Variants in CSMD1 observed in about 807,000 individuals in gnomAD.
CSMD1 encodes CUB and Sushi multiple domains 1, also known as CUB and sushi domain-containing protein 1.
Under a neutral mutation model 417.5 loss-of-function variants are expected in CSMD1, and 213 were observed. That is an observed-to-expected ratio of 0.51 (90% CI 0.46 to 0.57). The LOEUF is 0.57. CSMD1 is among the 20% of genes least tolerant of loss of function. The pLI is 0.00. For synonymous variants in CSMD1, 2,862 were observed against 1,736.8 expected (o/e 1.65, Z -16.11); for missense variants, 6,923 against 4,529.7 (o/e 1.53, Z -15.17).
At chr8:3,182,802 G>C (rs1389559467) in intron 36 of CSMD1, among the ~76,000 whole-genome samples, 2 of 120,878 alleles carry the variant, frequency 1.7e-5, no homozygotes, top group South Asian at 5.7e-4. Context: ...GTGTTAGCCA[G>C]GATGGTCTCG....
At position 3,822,785 on chromosome 8, in the gene CSMD1, T is replaced by C. The variant is rs551873666; in HGVS notation, c.819-68743A>G. On this transcript the variant is annotated intron_variant, in intron 5 of 69. Transcript: ENST00000635120. ...TTGTTGAGAATAAAGAGAGGATGGATAGTTGATTTGTGGAACAGAACTTTG... is the reference window on the plus strand; with the variant it reads ...TTGTTGAGAATAAAGAGAGGATGGACAGTTGATTTGTGGAACAGAACTTTG... 2.4e-4 allele frequency among the ~76,000 whole-genome samples: 36 copies of C among 152,316 alleles called. No individual in the cohort carries two copies. The Middle Eastern group carries it at 0.014, about 58-fold the overall frequency.
chr8:4,946,627 A>G (rs1808387411), intron 1 of CSMD1, among the ~76,000 whole-genome samples: 1 of 152,194 alleles, frequency 6.6e-6, no homozygotes, highest in African/African-American at 2.4e-5. Flanking sequence ...TACTAAATTT[A>G]TGCCATATTT....
intron 3 of CSMD1, among the ~76,000 whole-genome samples, chr8:4,318,776 T>C (rs1717971772): frequency 6.6e-6 from 1 of 151,518 alleles, no homozygotes; most frequent in African/African-American, 2.4e-5. Context: ...TACCATATAT[T>C]GGCATTGTAT....
At chr8:3,628,823 C>A (rs953216894) in intron 7 of CSMD1, among the ~76,000 whole-genome samples, 1 of 152,106 alleles carries the variant, frequency 6.6e-6, no homozygotes, top group African/African-American at 2.4e-5. Context: ...CAAGAACTCT[C>A]ATCTCTCTCT....
At chr8:4,737,453 CTGTT>C (rs1810315581) in intron 1 of CSMD1, among the ~76,000 whole-genome samples, 1 of 151,970 alleles carries the variant, frequency 6.6e-6, no homozygotes, top group Non-Finnish European at 1.5e-5. Flanking sequence ...AAAAATTTAC[CTGTT>C]TAACAAACCT....
At chr8:4,169,281 G>C (rs1165202408) in intron 3 of CSMD1, among the ~76,000 whole-genome samples, 2 of 152,122 alleles carry the variant, frequency 1.3e-5, no homozygotes, top group African/African-American at 2.4e-5. Context: ...ATCTTCCTGA[G>C]CTCAAAAGGC....
intron 1 of CSMD1, among the ~76,000 whole-genome samples, chr8:4,693,497 T>C (rs1285912280): frequency 1.3e-5 from 2 of 152,210 alleles, no homozygotes; most frequent in Admixed American, 6.5e-5. Context: ...AGTCCTATAC[T>C]GTTCCTCTTT....
chr8:3,922,678 C>T (rs1417350267), intron 5 of CSMD1, among the ~76,000 whole-genome samples: 1 of 152,010 alleles, frequency 6.6e-6, no homozygotes, highest in Non-Finnish European at 1.5e-5. Flanking sequence ...GCTTTTCATC[C>T]AAATCTGTAT....
At chr8:3,797,356 A>G (rs999670252) in intron 5 of CSMD1, among the ~76,000 whole-genome samples, 5 of 152,004 alleles carry the variant, frequency 3.3e-5, no homozygotes, top group African/African-American at 1.2e-4. Flanking sequence ...TGTCACAAGT[A>G]GAGCCCACAC....
At chr8:3,728,420 A>C (rs1381425961) in intron 6 of CSMD1, among the ~76,000 whole-genome samples, 1 of 152,228 alleles carries the variant, frequency 6.6e-6, no homozygotes, top group Non-Finnish European at 1.5e-5. Context: ...AAAACAGACT[A>C]ATACAACATC....
intron 1 of CSMD1, among the ~76,000 whole-genome samples, chr8:4,680,131 A>G (rs1260599380): frequency 1.3e-5 from 2 of 152,232 alleles, no homozygotes; most frequent in African/African-American, 2.4e-5. Context: ...TGGTAAAAGG[A>G]CAACTATGAA....
intron 1 of CSMD1, among the ~76,000 whole-genome samples, chr8:4,775,245 G>A (rs567204401): frequency 2.0e-5 from 3 of 152,068 alleles, no homozygotes; most frequent in Admixed American, 2.0e-4. Flanking sequence ...AATAGAGCTT[G>A]AGGATGAATC....
intron 54 of CSMD1, among the ~76,000 whole-genome samples, chr8:2,985,590 T>C (rs982780492): frequency 6.6e-6 from 1 of 152,248 alleles, no homozygotes; most frequent in Admixed American, 6.5e-5. Context: ...GAAATTTTAC[T>C]TTTCTTAAAA....
intron 5 of CSMD1, among the ~76,000 whole-genome samples, chr8:3,993,977 C>G (rs35511157): frequency 0.058 from 8,772 of 152,150 alleles, 323 homozygotes; most frequent in Non-Finnish European, 0.08. Flanking sequence ...GGGATGGGTT[C>G]ACAGGGGCAA....
At chr8:3,267,440 G>C (rs1323930926) in intron 26 of CSMD1, among the ~76,000 whole-genome samples, 1 of 152,206 alleles carries the variant, frequency 6.6e-6, no homozygotes, top group African/African-American at 2.4e-5. Context: ...GAGCAGTTGC[G>C]TGGTTGGTGG....
chr8:3,954,058 C>G (rs1239573900), intron 5 of CSMD1, among the ~76,000 whole-genome samples: 1 of 152,134 alleles, frequency 6.6e-6, no homozygotes, highest in Non-Finnish European at 1.5e-5. Flanking sequence ...GAGCTCCTGT[C>G]CCCGGGACCC....
Position 4,844,641 on chromosome 8 carries a change from CA to C in CSMD1, c.85+149690del, listed in dbSNP as rs138960739. 5.1e-3 allele frequency among the ~76,000 whole-genome samples: 779 copies of C among 152,146 alleles called. 10 individuals are homozygous for C. Among genetic ancestry groups the C allele is most frequent in the African/African-American group, 0.018 (747 of 41,494 alleles). On this transcript the variant is annotated intron_variant, in intron 1 of 69. Transcript: ENST00000635120. ...AAGCGTCTTTTCTAAACAATCCATG[CA>C]AAAAATATAATTTTTTAGGATCAAA... is the stretch of plus-strand genomic sequence containing the variant.
At chr8:4,158,143 C>G (rs564645515) in intron 3 of CSMD1, among the ~76,000 whole-genome samples, 1 of 151,368 alleles carries the variant, frequency 6.6e-6, no homozygotes, top group Non-Finnish European at 1.5e-5. Flanking sequence ...TGAGGTCAGA[C>G]CATTCTCCCT....
chr8:3,371,267 C>T (rs1221177903), intron 18 of CSMD1, among the ~76,000 whole-genome samples: 1 of 152,160 alleles, frequency 6.6e-6, no homozygotes, highest in African/African-American at 2.4e-5. Context: ...CTGACTAATA[C>T]ATCCACTTAC....
Sources: allele counts gnomAD v4.1 joint callset (sites outside exome capture counted in the v4.1 genomes callset), GRCh38; gene constraint gnomAD v4.1.1; transcripts MANE v1.5; gene names NCBI Gene and HGNC (gene_info 2026-07-23, HGNC 2026-07-21).